Variants in CAMK2D observed in about 807,000 individuals in gnomAD.
CAMK2D encodes the protein calcium/calmodulin dependent protein kinase II delta.
CAMK2D carries 37 observed loss-of-function variants against 84.0 expected under a neutral mutation model. That is an observed-to-expected ratio of 0.44 (90% CI 0.34 to 0.58). The LOEUF (loss-of-function observed/expected upper bound fraction) is 0.58, where lower values mean the gene tolerates loss of function less well. Among genes scored for constraint, CAMK2D ranks in the 20% least tolerant of loss-of-function variants. CAMK2D has a pLI of 0.02. For missense variants in CAMK2D, 448 were observed against 652.5 expected, an observed-to-expected ratio of 0.69 and a Z score of 3.41; for synonymous variants, 202 against 212.5, an observed-to-expected ratio of 0.95 and a Z score of 0.43.
intron 3 of CAMK2D, among the ~76,000 whole-genome samples, chr4:113,633,592 T>TTTAGTCAATGCTAC (rs1561493605): frequency 6.6e-6 from 1 of 152,156 alleles, no homozygotes; most frequent in Non-Finnish European, 1.5e-5. Flanking sequence ...TCACAGTATA[T>TTTAGTCAATGCTAC]TTAGTCATTG....
At chr4:113,710,194 C>G (rs1392957657) in intron 2 of CAMK2D, among the ~76,000 whole-genome samples, 1 of 151,942 alleles carries the variant, frequency 6.6e-6, no homozygotes, top group Non-Finnish European at 1.5e-5. Flanking sequence ...TAGATGATAG[C>G]AGGTTAAGTT....
intron 7 of CAMK2D, among the ~76,000 whole-genome samples, chr4:113,535,510 T>C (rs1171864676): frequency 2.0e-5 from 3 of 152,202 alleles, no homozygotes; most frequent in African/African-American, 7.2e-5. Flanking sequence ...CTTCTAAAAA[T>C]GTTTCACCAG....
intron 14 of CAMK2D, chr4:113,503,231 G>C: frequency 1.4e-6 from 1 of 690,524 alleles, no homozygotes; most frequent in South Asian, 1.4e-5. Flanking sequence ...ATTCAAACAA[G>C]GCTTTGATAT....
intron 2 of CAMK2D, among the ~76,000 whole-genome samples, chr4:113,675,797 T>C (rs534651074): frequency 9.2e-5 from 14 of 152,232 alleles, no homozygotes; most frequent in Non-Finnish European, 1.9e-4. Flanking sequence ...ATAGAGCTGA[T>C]GCACTATTTT....
intron 16 of CAMK2D, among the ~76,000 whole-genome samples, chr4:113,497,570 C>G (rs915717306): frequency 1.3e-5 from 2 of 152,168 alleles, no homozygotes; most frequent in Non-Finnish European, 2.9e-5. Flanking sequence ...TTCAAAGACG[C>G]CAGAAAGAAA....
At chr4:113,625,355 T>C (rs2099063158) in intron 3 of CAMK2D, among the ~76,000 whole-genome samples, 1 of 152,044 alleles carries the variant, frequency 6.6e-6, no homozygotes, top group South Asian at 2.1e-4. Context: ...AATATGTAAA[T>C]ATATACATAG....
intron 2 of CAMK2D, chr4:113,679,425 C>T (rs890245140): frequency 1.0e-6 from 1 of 973,428 alleles, no homozygotes; most frequent in Middle Eastern, 5.3e-4. Flanking sequence ...ATTTTCTTTT[C>T]TTTCTTAATT....
intron 3 of CAMK2D, among the ~76,000 whole-genome samples, chr4:113,623,447 G>A (rs28679446): frequency 0.022 from 3,381 of 152,020 alleles, 135 homozygotes; most frequent in African/African-American, 0.075. Flanking sequence ...CTTAACTACA[G>A]AGATACATGC....
intron 8 of CAMK2D, among the ~76,000 whole-genome samples, chr4:113,523,772 GAAATAAATAAAT>G (rs201909658): frequency 2.0e-5 from 3 of 151,138 alleles, no homozygotes; most frequent in Non-Finnish European, 4.4e-5. Flanking sequence ...ACCCTGTCTC[GAAATAAATAAAT>G]AAATAAATAA....
At chr4:113,501,949 T>C (rs2098053862) in intron 15 of CAMK2D, among the ~76,000 whole-genome samples, 1 of 152,188 alleles carries the variant, frequency 6.6e-6, no homozygotes. Flanking sequence ...TAACACTTCA[T>C]GTTTTTTACT....
chr4:113,501,498 A>G (rs890139682), intron 15 of CAMK2D, among the ~76,000 whole-genome samples: 1 of 152,064 alleles, frequency 6.6e-6, no homozygotes, highest in African/African-American at 2.4e-5. Flanking sequence ...TAATGTAAAC[A>G]CCAGCCAGTA....
chr4:113,496,867 C>T (rs905431579), intron 16 of CAMK2D, among the ~76,000 whole-genome samples: 8 of 152,286 alleles, frequency 5.3e-5, no homozygotes, highest in Non-Finnish European at 1.0e-4. Context: ...AATTAGAAAG[C>T]TGCTCAAGAG....
At chr4:113,611,003 A>G (rs1383119749) in intron 3 of CAMK2D, among the ~76,000 whole-genome samples, 1 of 151,860 alleles carries the variant, frequency 6.6e-6, no homozygotes, top group Non-Finnish European at 1.5e-5. Flanking sequence ...TTTGGGATGG[A>G]AATTTTCACC....
intron 2 of CAMK2D, 38 bp downstream of exon 2, chr4:113,759,282 T>A (rs570167676): frequency 1.6e-5 from 21 of 1,290,208 alleles, no homozygotes; most frequent in Non-Finnish European, 2.1e-5. Context: ...ACATGACAAA[T>A]ACAAAATTAA....
Position 113,511,367 on chromosome 4 carries a change from A to C in CAMK2D, c.947-1692T>G, listed in dbSNP as rs139842456. On this transcript the variant is annotated intron_variant, in intron 12 of 20. Transcript: ENST00000511664. Reference sequence around the variant, plus strand: ...ACAATATAAAATTCACATATTAGTCATGAGTTTTTAGTTTACATGATGATG... The same window carrying C: ...ACAATATAAAATTCACATATTAGTCCTGAGTTTTTAGTTTACATGATGATG... Among the ~76,000 whole-genome samples, 567 of 152,304 alleles carry C rather than the reference A, an allele frequency of 3.7e-3. 5 individuals carry two copies. Among genetic ancestry groups the C allele is most frequent in the African/African-American group, 0.013 (547 of 41,590 alleles).
Position 113,454,493 on chromosome 4 carries a change from G to A in CAMK2D, c.*52C>T. ...AGGTGCCTTGAGAACAGAGAATGCA[G>A]AAGTGGCACTGTTGAAATTTAGCTG... On this transcript the variant is annotated 3_prime_UTR_variant, in exon 21 of 21. Coordinates refer to ENST00000511664, the MANE Select transcript of CAMK2D (RefSeq NM_001321571.2). 1 of 779,048 alleles carries A rather than the reference G, an allele frequency of 1.3e-6. No individual in the cohort carries two copies. Among genetic ancestry groups the A allele is most frequent in the South Asian group, 1.3e-5 (1 of 74,442 alleles). 48.3% of individuals were successfully genotyped at this position (779,048 alleles called of 1,614,324 possible).
In CAMK2D at chr4:113,480,001, G is replaced by A. The variant is rs189178015; in HGVS notation, c.1136-14397C>T. ...TTTAGAGATGGAGTCTAACTCTGTC[G>A]CCCAGGTTGGGGTGCAGTGGCGGGA... On this transcript the variant is annotated intron_variant, in intron 16 of 20. Coordinates refer to ENST00000511664, the MANE Select transcript of CAMK2D (RefSeq NM_001321571.2). 9.6e-4 allele frequency among the ~76,000 whole-genome samples: 146 copies of A among 152,150 alleles called. 1 individual carries two copies. Among genetic ancestry groups the A allele is most frequent in the Admixed American group, 4.3e-3 (65 of 15,276 alleles).
chr4:113,544,509 G>A (rs754492199), intron 6 of CAMK2D, among the ~76,000 whole-genome samples: 3 of 152,184 alleles, frequency 2.0e-5, no homozygotes, highest in Non-Finnish European at 4.4e-5. Context: ...CTAGTTGAGT[G>A]ATCTTAAGTT....
At chr4:113,461,662 T>C (rs911701514) in intron 17 of CAMK2D, among the ~76,000 whole-genome samples, 1 of 152,140 alleles carries the variant, frequency 6.6e-6, no homozygotes, top group African/African-American at 2.4e-5. Context: ...GAAGAATGAA[T>C]GGGAGTTCAC....
Sources: allele counts gnomAD v4.1 joint callset (sites outside exome capture counted in the v4.1 genomes callset), GRCh38; gene constraint gnomAD v4.1.1; transcripts MANE v1.5; gene names NCBI Gene and HGNC (gene_info 2026-07-23, HGNC 2026-07-21).